HDAC9: variants seen among roughly 807,000 people sequenced by gnomAD.
HDAC9 encodes histone deacetylase 9, also known as MEF-2 interacting transcription repressor (MITR) protein.
Under a neutral mutation model 139.4 loss-of-function variants are expected in HDAC9, and 41 were observed. The ratio of observed to expected loss-of-function variants is 0.29; its 90% CI spans 0.23 to 0.38. The LOEUF (loss-of-function observed/expected upper bound fraction) is 0.38. HDAC9 is among the 10% of genes least tolerant of loss of function. The pLI, the probability that HDAC9 is intolerant of heterozygous loss-of-function variation, is 1.00. For synonymous variants in HDAC9, 517 were observed against 476.2 expected, an observed-to-expected ratio of 1.09 and a Z score of -1.12; for missense variants, 1,147 against 1,297.0, an observed-to-expected ratio of 0.88 and a Z score of 1.78.
intron 17 of HDAC9, among the ~76,000 whole-genome samples, chr7:18,820,576 C>G (rs1794889437): frequency 1.3e-5 from 2 of 151,882 alleles, no homozygotes; most frequent in Non-Finnish European, 2.9e-5. Flanking sequence ...AATCGGGGGC[C>G]CTTGAGAGAA....
At chr7:18,328,597 C>CATTT (rs764040534) in intron 1 of HDAC9, among the ~76,000 whole-genome samples, 13 of 151,884 alleles carry the variant, frequency 8.6e-5, no homozygotes, top group Non-Finnish European at 1.8e-4. Context: ...ATGGTGTTCA[C>CATTT]ATTTACTGAT....
chr7:18,855,950 T>C (rs1797643652), intron 21 of HDAC9, among the ~76,000 whole-genome samples: 1 of 152,118 alleles, frequency 6.6e-6, no homozygotes, highest in African/African-American at 2.4e-5. Flanking sequence ...TACAGCCTTT[T>C]ACTCTAATGA....
chr7:18,613,792 C>A (rs1366319581), intron 6 of HDAC9, among the ~76,000 whole-genome samples: 3 of 151,982 alleles, frequency 2.0e-5, no homozygotes, highest in African/African-American at 7.2e-5. Context: ...CCAGGGACTC[C>A]CAAATCCTGA....
At chr7:18,319,362 G>T (rs181923824) in intron 1 of HDAC9, among the ~76,000 whole-genome samples, 7 of 152,036 alleles carry the variant, frequency 4.6e-5, no homozygotes, top group African/African-American at 1.7e-4. Context: ...TTAAAATTAG[G>T]CACAATGTAT....
In HDAC9 at chr7:18,390,271, C is replaced by G. The variant is rs186190831; in HGVS notation, c.-42+99756C>G. Reference sequence around the variant, plus strand: ...TCAGTAGTGTTTGCATGGCTCTTGGCAACTGATCACTCCCTGGAATACACT... The same window carrying G: ...TCAGTAGTGTTTGCATGGCTCTTGGGAACTGATCACTCCCTGGAATACACT... On this transcript the variant is annotated intron_variant, in intron 1 of 3. Transcript: ENST00000413509. 1.9e-3 allele frequency among the ~76,000 whole-genome samples: 284 copies of G among 152,176 alleles called. 1 individual carries two copies. The highest frequency in any genetic ancestry group is 6.6e-3 in the African/African-American group (274 of 41,520).
intron 1 of HDAC9, among the ~76,000 whole-genome samples, chr7:18,136,271 G>A (rs1471573125): frequency 1.3e-5 from 2 of 151,096 alleles, no homozygotes. Flanking sequence ...CACTCTGATG[G>A]TAGTTTCTTC....
chr7:18,936,560 C>T (rs1781649183), intron 23 of HDAC9, among the ~76,000 whole-genome samples: 1 of 152,216 alleles, frequency 6.6e-6, no homozygotes, highest in South Asian at 2.1e-4. Flanking sequence ...GATCCAATTG[C>T]TATGAGGTTC....
chr7:18,761,341 T>C (rs1360969350), intron 14 of HDAC9, among the ~76,000 whole-genome samples: 2 of 152,204 alleles, frequency 1.3e-5, no homozygotes, highest in African/African-American at 4.8e-5. Context: ...CTAGCCTTTT[T>C]GGAAAAAATT....
chr7:18,142,828 T>C (rs1786007080), intron 1 of HDAC9, among the ~76,000 whole-genome samples: 1 of 152,206 alleles, frequency 6.6e-6, no homozygotes, highest in Non-Finnish European at 1.5e-5. Flanking sequence ...GTTCACAACT[T>C]CTGCCTCCTC....
chr7:18,983,053 C>G (rs1433790891), intron 25 of HDAC9, among the ~76,000 whole-genome samples: 1 of 152,166 alleles, frequency 6.6e-6, no homozygotes, highest in Non-Finnish European at 1.5e-5. Context: ...GTTTCTGGAA[C>G]TTGATCTTGC....
At chr7:18,625,933 C>T (rs1317626644) in intron 6 of HDAC9, among the ~76,000 whole-genome samples, 5 of 108,826 alleles carry the variant, frequency 4.6e-5, no homozygotes, top group Admixed American at 1.3e-4. Flanking sequence ...GGCAACAGAG[C>T]GAGACTCCAT....
intron 2 of HDAC9, among the ~76,000 whole-genome samples, chr7:18,565,074 G>T (rs184789406): frequency 6.6e-6 from 1 of 151,664 alleles, no homozygotes; most frequent in African/African-American, 2.4e-5. Context: ...TTGGCTCACC[G>T]CAACCTCTGC....
intron 1 of HDAC9, among the ~76,000 whole-genome samples, chr7:18,439,595 A>G (rs1791552705): frequency 6.6e-6 from 1 of 152,200 alleles, no homozygotes; most frequent in Admixed American, 6.5e-5. Context: ...CAAAAACTTC[A>G]GAGGTCCTAG....
At chr7:18,289,633 A>C (rs1177717311), upstream of HDAC9, among the ~76,000 whole-genome samples, 1 of 152,174 alleles carries the variant, frequency 6.6e-6, no homozygotes, top group East Asian at 1.9e-4. Flanking sequence ...CTTCAAAGTG[A>C]GTACTCCAGA....
chr7:18,935,945 A>G lies in HDAC9; in HGVS notation c.2937+3A>G. The G allele has an allele frequency of 6.2e-7, 1 of 1,611,764 alleles. No homozygotes were observed. The highest frequency in any genetic ancestry group is 8.5e-7 in the Non-Finnish European group (1 of 1,178,356). On this transcript the variant is annotated splice_donor_region_variant and intron_variant, in intron 23 of 25. Coordinates refer to ENST00000686413, the MANE Select transcript of HDAC9 (RefSeq NM_178425.4). ...TAAATGCCCTTCTAGGAAATGAGGT[A>G]AAAAAGTAAAAGTACAAAGGGGCAG...
At chr7:18,339,020 A>G (rs750366679) in intron 1 of HDAC9, among the ~76,000 whole-genome samples, 2 of 151,486 alleles carry the variant, frequency 1.3e-5, no homozygotes, top group Admixed American at 6.6e-5. Flanking sequence ...TGTCCATTTC[A>G]TGTAAGTTTT....
intron 21 of HDAC9, among the ~76,000 whole-genome samples, chr7:18,871,807 T>G (rs934359944): frequency 2.0e-5 from 3 of 152,190 alleles, no homozygotes; most frequent in Admixed American, 6.5e-5. Flanking sequence ...CATTCGTAAA[T>G]TCATTGCCAA....
intron 2 of HDAC9, among the ~76,000 whole-genome samples, chr7:18,223,646 A>AAAT (rs1161586050): frequency 6.6e-6 from 1 of 152,068 alleles, no homozygotes; most frequent in African/African-American, 2.4e-5. Context: ...TTCTTTTTTT[A>AAAT]ATTGTTAAAT....
At chr7:18,314,618 A>G (rs184518963) in intron 1 of HDAC9, among the ~76,000 whole-genome samples, 1 of 152,330 alleles carries the variant, frequency 6.6e-6, no homozygotes, top group Non-Finnish European at 1.5e-5. Context: ...TCAGTGTCAT[A>G]CGCAGGCTTT....
Sources: gnomAD v4.1 joint callset for allele counts (sites outside exome capture counted in the v4.1 genomes callset) on GRCh38, gnomAD v4.1.1 for gene constraint, MANE v1.5 for transcripts, NCBI Gene and HGNC (gene_info 2026-07-23, HGNC 2026-07-21) for gene names.